The following CSDE1 variants were observed in gnomAD, a reference collection of about 807,000 sequenced individuals.
The protein encoded by CSDE1 is cold shock domain containing E1, also known as cold shock domain-containing protein E1.
Under a neutral mutation model 89.3 loss-of-function variants are expected in CSDE1, and 17 were observed. The observed-to-expected ratio is 0.19, with a 90% CI of 0.13 to 0.29. The LOEUF is 0.29. Among genes scored for constraint, CSDE1 ranks in the 10% least tolerant of loss-of-function variants. CSDE1 has a pLI of 1.00. For missense variants in CSDE1, 672 were observed against 984.2 expected, an observed-to-expected ratio of 0.68 and a Z score of 4.24; for synonymous variants, 322 against 332.8, an observed-to-expected ratio of 0.97 and a Z score of 0.35.
chr1:114,718,513 C>T (rs1424966686), intron 19 of CSDE1, 100 bp downstream of exon 19: 4 of 1,468,582 alleles, frequency 2.7e-6, no homozygotes, highest in Non-Finnish European at 3.7e-6. Context: ...ATGGAAGTCT[C>T]CCTGCTTCAT....
Position 114,719,626 on chromosome 1 carries a change from A to C in CSDE1, c.2169T>G (p.Leu723=). 1 of 1,614,052 alleles carries C rather than the reference A, an allele frequency of 6.2e-7. No homozygotes were observed. The highest frequency in any genetic ancestry group is 1.1e-5 in the South Asian group (1 of 91,074). The change falls in exon 18 of 20, where the codon CTT becomes CTG. Residue 723 remains leucine (L), a synonymous_variant. Transcript: ENST00000358528. ...CGCTGCACTTGCCAGTGCGCTGATT[A>C]AGAATCACTGAGAACTCCACCTCAT... ...AGDEVEFSVI[L]NQRTGKCSAC...
chr1:114,752,067 C>T (rs1326917949), intron 1 of CSDE1, among the ~76,000 whole-genome samples: 7 of 152,054 alleles, frequency 4.6e-5, no homozygotes, highest in Non-Finnish European at 8.8e-5. Context: ...GAGCTCCAGA[C>T]CAGCCTGGGC....
intron 6 of CSDE1, 24 bp downstream of exon 6, chr1:114,736,734 A>G: frequency 6.5e-7 from 1 of 1,530,456 alleles, no homozygotes; most frequent in Non-Finnish European, 8.9e-7. Context: ...CTTAGGTGAG[A>G]AAATTTAAAA....
chr1:114,723,213 T>C (rs1182733463), intron 16 of CSDE1, among the ~76,000 whole-genome samples: 2 of 152,170 alleles, frequency 1.3e-5, no homozygotes, highest in African/African-American at 4.8e-5. Context: ...CTCCACATCA[T>C]GTAATTCTGC....
intron 6 of CSDE1, among the ~76,000 whole-genome samples, chr1:114,735,356 G>A (rs1660345061): frequency 6.6e-6 from 1 of 152,070 alleles, no homozygotes; most frequent in Admixed American, 6.5e-5. Flanking sequence ...AAATGTTACA[G>A]ACTAACAAAG....
chr1:114,738,660 A>AT, intron 3 of CSDE1, among the ~76,000 whole-genome samples: 1 of 118,824 alleles, frequency 8.4e-6, no homozygotes, highest in South Asian at 2.6e-4. Flanking sequence ...ACATGTAAAA[A>AT]CTTTTTTTTT....
intron 2 of CSDE1, among the ~76,000 whole-genome samples, chr1:114,740,991 T>C (rs1429113081): frequency 3.3e-5 from 5 of 152,240 alleles, no homozygotes; most frequent in Admixed American, 2.6e-4. Flanking sequence ...ACGATATGTG[T>C]GATGGTCAAA....
rs759111720 is a variant in CSDE1, at chr1:114,718,239, A to C, written c.2350-23T>G. 11 of 1,606,222 alleles carry C rather than the reference A, an allele frequency of 6.8e-6. No homozygotes were observed. In the East Asian group the frequency reaches 2.2e-4, roughly 33 times the overall value. On this transcript the variant is annotated intron_variant, in intron 19 of 19. Coordinates refer to ENST00000358528, the MANE Select transcript of CSDE1 (RefSeq NM_001007553.3). ...CCCCTGTGGGGGGGAGAAAAAAAAA[A>C]CCCTGCAGTTAATGATTTGAGCGCA... is the stretch of plus-strand genomic sequence containing the variant.
chr1:114,752,817 A>T (rs1479703549), intron 1 of CSDE1, among the ~76,000 whole-genome samples: 2 of 152,166 alleles, frequency 1.3e-5, no homozygotes, highest in Non-Finnish European at 2.9e-5. Flanking sequence ...GATACCAAGC[A>T]ATTTCTGTAC....
At chr1:114,737,885 G>C (rs970836316) in intron 4 of CSDE1, 78 bp downstream of exon 4, 1 of 977,394 alleles carries the variant, frequency 1.0e-6, no homozygotes, top group African/African-American at 1.6e-5. Context: ...GAGGAGATGG[G>C]GAGAATCTTC....
At chr1:114,755,207 C>T (rs534725092) in intron 1 of CSDE1, among the ~76,000 whole-genome samples, 4 of 152,294 alleles carry the variant, frequency 2.6e-5, no homozygotes, top group East Asian at 1.9e-4. Context: ...ACGTGGCTGG[C>T]GGCTACCATG....
At chr1:114,732,959 A>G (rs1196848166) in intron 9 of CSDE1, 143 bp from the exon 10 acceptor site, 3 of 669,600 alleles carry the variant, frequency 4.5e-6, no homozygotes, top group Non-Finnish European at 5.1e-6. Context: ...CATAAGTCCA[A>G]TGTGAAAGCT....
intron 1 of CSDE1, among the ~76,000 whole-genome samples, chr1:114,754,117 T>C (rs1437994418): frequency 1.3e-5 from 2 of 152,176 alleles, no homozygotes. Flanking sequence ...GCCTCCCCAG[T>C]AGCTGGGACT....
chr1:114,719,704 C>T lies in CSDE1; in HGVS notation c.2091G>A (p.Lys697=). The part of the protein sequence containing the change: ...FINYEVGDSK[K]LFFHVKEVQD... Reference sequence around the variant, plus strand: ...GAACTTCTTTCACATGGAAAAAGAGCTTCTTGCTATCTCCTACTTCATAGT... The same window carrying T: ...GAACTTCTTTCACATGGAAAAAGAGTTTCTTGCTATCTCCTACTTCATAGT... The change falls in exon 18 of 20, where the codon AAG becomes AAA. Residue 697 remains lysine, a synonymous_variant. Transcript: ENST00000358528. 1 of 1,613,902 alleles carries T rather than the reference C, an allele frequency of 6.2e-7. No individual in the cohort carries two copies. Among genetic ancestry groups the T allele is most frequent in the Non-Finnish European group, 8.5e-7 (1 of 1,179,954 alleles).
chr1:114,757,429 T>A (rs1661670013), intron 1 of CSDE1, among the ~76,000 whole-genome samples: 1 of 151,456 alleles, frequency 6.6e-6, no homozygotes, highest in Non-Finnish European at 1.5e-5. Flanking sequence ...GGGTCCAGAG[T>A]CAAAGTAGGC....
rs1478200267 is a variant in CSDE1, at chr1:114,734,431, T to G, written c.582+11A>C. The G allele has an allele frequency of 1.2e-6, 2 of 1,609,288 alleles. No individual in the cohort carries two copies. The highest frequency in any genetic ancestry group is 1.7e-6 in the Non-Finnish European group (2 of 1,178,182). On this transcript the variant is annotated intron_variant, in intron 7 of 19. Transcript: ENST00000358528. ...CAAAGAAAACTCAAGTTTCTCAAAT[T>G]TAACACTTACCTTCATGGCACAAAC...
chr1:114,721,314 T>G (rs1016853633), intron 16 of CSDE1, among the ~76,000 whole-genome samples: 7 of 152,214 alleles, frequency 4.6e-5, no homozygotes, highest in African/African-American at 1.7e-4. Flanking sequence ...GCTGTTGTAG[T>G]GAGAAAGCAA....
chr1:114,730,972 T>A (rs1230539539), intron 10 of CSDE1, among the ~76,000 whole-genome samples: 2 of 152,198 alleles, frequency 1.3e-5, no homozygotes, highest in Non-Finnish European at 2.9e-5. Flanking sequence ...CTCCAGAAAC[T>A]TCACTAATTT....
At chr1:114,726,449 A>G (rs556019397) in intron 13 of CSDE1, 63 bp from the exon 14 acceptor site, 1 of 1,346,166 alleles carries the variant, frequency 7.4e-7, no homozygotes, top group African/African-American at 1.5e-5. Context: ...CTTAACTCAG[A>G]AAACAAGACC....
Sources: gnomAD v4.1 joint callset for allele counts (sites outside exome capture counted in the v4.1 genomes callset) on GRCh38, gnomAD v4.1.1 for gene constraint, MANE v1.5 for transcripts, NCBI Gene and HGNC (gene_info 2026-07-23, HGNC 2026-07-21) for gene names.